The following POLL variants were observed in gnomAD, a reference collection of about 807,000 sequenced individuals.
POLL encodes DNA polymerase beta-2.
Under a neutral mutation model 58.1 loss-of-function variants are expected in POLL, and 44 were observed. The observed-to-expected ratio is 0.76, with a 90% CI of 0.60 to 0.97. The LOEUF (loss-of-function observed/expected upper bound fraction) is 0.97, where lower values mean the gene tolerates loss of function less well. Ranked by LOEUF, POLL falls within the 50% of genes least tolerant of loss-of-function variation. The pLI is 0.00. For missense variants in POLL, 632 were observed against 736.8 expected (o/e 0.86, Z 1.65); for synonymous variants, 290 against 283.2 (o/e 1.02, Z -0.24).
chr10:101,584,358 A>G (rs1367076844), intron 5 of POLL, among the ~76,000 whole-genome samples: 1 of 152,224 alleles, frequency 6.6e-6, no homozygotes, highest in African/African-American at 2.4e-5. Context: ...AATTAAAAAT[A>G]AAAAACTTTT....
In POLL at chr10:101,588,176, CG is replaced by C; in HGVS notation, c.-402del. 1 of 1,525,466 alleles carries C rather than the reference CG, an allele frequency of 6.6e-7. No homozygotes were observed. The highest frequency in any genetic ancestry group is 8.8e-7 in the Non-Finnish European group (1 of 1,138,158). 94.5% of individuals were successfully genotyped at this position (1,525,466 alleles called of 1,614,324 possible). A position where few individuals can be genotyped will look rare whatever the true frequency, so the allele number is the denominator to read the frequency against. The stretch of plus-strand genomic sequence containing the variant: ...TCGACTACTGGCCAAGCTAGTCACC[CG>C]GGGGTGGGCAGGAATAGACCACTTA... On this transcript the variant is annotated 5_prime_UTR_variant, in exon 1 of 9. Coordinates refer to ENST00000370162, the MANE Select transcript of POLL (RefSeq NM_001174084.2).
Position 101,587,888 on chromosome 10 carries a change from T to G in POLL, c.-113A>C. Reference sequence around the variant, plus strand: ...GGTGAGTGGGAACGCCCTGCACCTGTCCTGGTCTCAGCCTCTCGACATGGG... The same window carrying G: ...GGTGAGTGGGAACGCCCTGCACCTGGCCTGGTCTCAGCCTCTCGACATGGG... On this transcript the variant is annotated 5_prime_UTR_variant, in exon 1 of 9. Transcript: ENST00000370162. 1 of 1,201,584 alleles carries G rather than the reference T, an allele frequency of 8.3e-7. No homozygotes were observed. The highest frequency in any genetic ancestry group is 1.1e-6 in the Non-Finnish European group (1 of 948,034). 74.4% of individuals were successfully genotyped at this position (1,201,584 alleles called of 1,614,324 possible). A position where few individuals can be genotyped will look rare whatever the true frequency, so the allele number is the denominator to read the frequency against.
intron 6 of POLL, chr10:101,583,279 T>C (rs1308765747): frequency 1.7e-6 from 1 of 598,530 alleles, no homozygotes. Flanking sequence ...CTGAGAAACA[T>C]ACTTCTTGTC....
chr10:101,588,175 C>T lies in POLL; in HGVS notation c.-400G>A, dbSNP rs1296469376. 1 of 1,525,726 alleles carries T rather than the reference C, an allele frequency of 6.6e-7. No homozygotes were observed. The allele number at this position is 1,525,726 out of a possible 1,614,324, so 94.5% of individuals were successfully genotyped here. A position where few individuals can be genotyped will look rare whatever the true frequency, so the allele number is the denominator to read the frequency against. On this transcript the variant is annotated 5_prime_UTR_variant, in exon 1 of 9. Coordinates refer to ENST00000370162, the MANE Select transcript of POLL (RefSeq NM_001174084.2). The stretch of plus-strand genomic sequence containing the variant: ...GTCGACTACTGGCCAAGCTAGTCAC[C>T]CGGGGGTGGGCAGGAATAGACCACT...
Position 101,583,658 on chromosome 10 carries a change from A to C in POLL, c.915T>G (p.Ile305Met), listed in dbSNP as rs907699452. 4.3e-6 allele frequency: 7 copies of C among 1,614,056 alleles called. No individual in the cohort carries two copies. In the African/African-American group the frequency reaches 8.0e-5, roughly 18 times the overall value. Residue 305 changes from isoleucine to methionine, a missense_variant, in exon 6 of 9, where the codon ATT becomes ATG. Transcript: ENST00000370162. ...TGATTTTCTCAGCCATCCGCTTCCC[A>C]ATCCCAGGGATACTGCAGGCCTCCT... is the stretch of plus-strand genomic sequence containing the variant. ...SYQEACSIPG[I>M]GKRMAEKIIE...
At chr10:101,582,921 T>C in intron 6 of POLL, 30 bp from the exon 7 acceptor site, 1 of 1,613,986 alleles carries the variant, frequency 6.2e-7, no homozygotes, top group South Asian at 1.1e-5. Context: ...TGGGAAGCTG[T>C]AAGGATCCAG....
At position 101,587,834 on chromosome 10, in the gene POLL, C is replaced by T; in HGVS notation, c.-59G>A. On this transcript the variant is annotated 5_prime_UTR_variant, in exon 1 of 9. Transcript: ENST00000370162. ...ACTATTTCTCTACCTCCAACACAGA[C>T]TCGCAGAGGAAGGAGGAGGACTTTC... The T allele has an allele frequency of 8.4e-7, 1 of 1,190,586 alleles. No homozygotes were observed. The highest frequency in any genetic ancestry group is 1.1e-6 in the Non-Finnish European group (1 of 942,332). 73.8% of individuals were successfully genotyped at this position (1,190,586 alleles called of 1,614,324 possible).
At chr10:101,583,147 A>G (rs2063098249) in intron 6 of POLL, 1 of 596,514 alleles carries the variant, frequency 1.7e-6, no homozygotes, top group Non-Finnish European at 3.0e-6. Flanking sequence ...GGACCTTGTC[A>G]TCTTCATCCT....
chr10:101,585,907 C>G lies in POLL; in HGVS notation c.365G>C (p.Arg122Thr). 2 of 1,604,230 alleles carry G rather than the reference C, an allele frequency of 1.2e-6. No individual in the cohort carries two copies. Among genetic ancestry groups the G allele is most frequent in the Non-Finnish European group, 1.7e-6 (2 of 1,171,654 alleles). ...GAATCCAGCTACATCCACCAGCCTC[C>G]TCTCCTGAAGGCACAAGCTCAGCCA... Reference protein sequence around the residue: ...SAWLSLCLQERRLVDVAGFSI... With the variant: ...SAWLSLCLQETRLVDVAGFSI... The change falls in exon 3 of 9, where the codon AGG (arginine) becomes ACG (threonine). Residue 122 changes from arginine to threonine, a missense_variant. By Grantham distance (71) the Arg-to-Thr change is moderately conservative. Transcript: ENST00000370162.
intron 6 of POLL, 112 bp downstream of exon 6, chr10:101,583,396 T>A (rs2063112484): frequency 2.6e-6 from 3 of 1,161,388 alleles, no homozygotes; most frequent in African/African-American, 3.0e-5. Context: ...ATACTGTGGG[T>A]GCATTCCCAT....
At chr10:101,583,434 G>C (rs1361845984) in intron 6 of POLL, 74 bp downstream of exon 6, 16 of 1,507,762 alleles carry the variant, frequency 1.1e-5, no homozygotes, top group Non-Finnish European at 1.4e-5. Context: ...ATCTGGGGCA[G>C]AGCACAGCAC....
At chr10:101,583,160 C>G (rs1349262338) in intron 6 of POLL, 54 of 603,326 alleles carry the variant, frequency 9.0e-5, no homozygotes, top group Non-Finnish European at 1.2e-5. Context: ...TTCATCCTTA[C>G]CAAGCTGCCC....
At chr10:101,583,410 A>C in intron 6 of POLL, 98 bp downstream of exon 6, 1 of 1,339,740 alleles carries the variant, frequency 7.5e-7, no homozygotes, top group Non-Finnish European at 1.1e-6. Flanking sequence ...TTCCCATCAG[A>C]GCACAGCATA....
chr10:101,584,315 G>A (rs1245735248), intron 5 of POLL, among the ~76,000 whole-genome samples: 1 of 151,510 alleles, frequency 6.6e-6, no homozygotes, highest in African/African-American at 2.4e-5. Context: ...CACCATCTCT[G>A]CTAAATAAAT....
In POLL at chr10:101,584,633, T is replaced by C; in HGVS notation, c.860A>G (p.Lys287Arg). The change falls in exon 5 of 9, where the codon AAG becomes AGG. Residue 287 changes from lysine (K) to arginine (R), a missense_variant. Lys to Arg is a conservative substitution (Grantham distance 26, BLOSUM62 2). Coordinates refer to ENST00000370162, the MANE Select transcript of POLL (RefSeq NM_001174084.2). ...LGYAKAINAL[K>R]SFHKPVTSYQ... ...CGAGGTGACAGGCTTATGGAAGCTCTTGAGGGCATTGATGGCCTTGGCATA... is the reference window on the plus strand; with the variant it reads ...CGAGGTGACAGGCTTATGGAAGCTCCTGAGGGCATTGATGGCCTTGGCATA... The C allele has an allele frequency of 6.2e-7, 1 of 1,603,166 alleles. No homozygotes were observed. The highest frequency in any genetic ancestry group is 8.5e-7 in the Non-Finnish European group (1 of 1,174,886).
In POLL at chr10:101,580,208, G is replaced by A. The variant is rs1429172991; in HGVS notation, c.1363+40C>T. On this transcript the variant is annotated intron_variant, in intron 8 of 8. Coordinates refer to ENST00000370162, the MANE Select transcript of POLL (RefSeq NM_001174084.2). The surrounding 1 kb of genome is among the most constrained non-coding windows in gnomAD (Gnocchi z 4.1). ...CTGAGGGGGCCCCCAGACCTGTGCTGCCCTCTGTCAACCTGCTCACCCAGA... is the reference window on the plus strand; with the variant it reads ...CTGAGGGGGCCCCCAGACCTGTGCTACCCTCTGTCAACCTGCTCACCCAGA... 4 of 1,576,182 alleles carry A rather than the reference G, an allele frequency of 2.5e-6. No homozygotes were observed. The East Asian group carries it at 9.0e-5, about 35-fold the overall frequency.
In POLL at chr10:101,588,221, G is replaced by A; in HGVS notation, c.-446C>T. On this transcript the variant is annotated 5_prime_UTR_variant, in exon 1 of 9. Transcript: ENST00000370162. ...CCACTTACCAGCAGAGCCAATGAGA[G>A]CGGACGAAGGGGGGAAGGAGGGCAA... The A allele has an allele frequency of 1.3e-6, 2 of 1,546,364 alleles. No individual in the cohort carries two copies. The highest frequency in any genetic ancestry group is 1.7e-6 in the Non-Finnish European group (2 of 1,146,156).
At position 101,579,548 on chromosome 10, in the gene POLL, C is replaced by T; in HGVS notation, c.1633G>A (p.Val545Met). Residue 545 changes from valine to methionine, a missense_variant, in exon 9 of 9, where the codon GTG becomes ATG. Physicochemically the swap from Val to Met is conservative, Grantham distance 21. Transcript: ENST00000370162. This position sits in a 1 kb window ranked among gnomAD's most constrained non-coding sequence, Gnocchi z 4.4. ...AVVRNTHGCK[V>M]GPGRVLPTPT... Reference sequence around the variant, plus strand: ...GTGGGCAGCACTCGGCCAGGCCCCACCTTGCAGCCATGGGTGTTCCGGACC... The same window carrying T: ...GTGGGCAGCACTCGGCCAGGCCCCATCTTGCAGCCATGGGTGTTCCGGACC... 1.9e-6 allele frequency: 3 copies of T among 1,613,976 alleles called. No individual in the cohort carries two copies. Among genetic ancestry groups the T allele is most frequent in the Non-Finnish European group, 2.5e-6 (3 of 1,180,024 alleles).
Position 101,588,037 on chromosome 10 carries a change from T to C in POLL, c.-262A>G. On this transcript the variant is annotated 5_prime_UTR_variant, in exon 1 of 9. Transcript: ENST00000370162. ...CCGGGCAGGTGCGGTGTACTCGCCG[T>C]GTACGCAGCTGGCGCAGGCCAGGGA... 2 of 1,405,350 alleles carry C rather than the reference T, an allele frequency of 1.4e-6. No individual in the cohort carries two copies. The highest frequency in any genetic ancestry group is 1.9e-6 in the Non-Finnish European group (2 of 1,064,200). 87.1% of individuals were successfully genotyped at this position (1,405,350 alleles called of 1,614,324 possible). A position where few individuals can be genotyped will look rare whatever the true frequency, so the allele number is the denominator to read the frequency against.
Sources: allele counts gnomAD v4.1 joint callset (sites outside exome capture counted in the v4.1 genomes callset), GRCh38; gene constraint gnomAD v4.1.1; non-coding constraint Gnocchi (gnomAD v3.1); transcripts MANE v1.5; gene names NCBI Gene and HGNC (gene_info 2026-07-23, HGNC 2026-07-21).